Variants in BRAT1 observed in about 807,000 individuals in gnomAD.
BRAT1 encodes the protein BRCA1 associated ATM activator 1.
BRAT1 carries 74 observed loss-of-function variants against 70.6 expected under a neutral mutation model. That is an observed-to-expected ratio of 1.05 (90% CI 0.87 to 1.27). The LOEUF (loss-of-function observed/expected upper bound fraction) is 1.27, where lower values mean the gene tolerates loss of function less well. Ranked by LOEUF, BRAT1 falls within the 50% of genes most tolerant of loss-of-function variation. The pLI, the probability that BRAT1 is intolerant of heterozygous loss-of-function variation, is 0.00. For synonymous variants in BRAT1, 615 were observed against 517.1 expected (o/e 1.19, Z -2.57); for missense variants, 1,203 against 1,098.2 (o/e 1.10, Z -1.35).
chr7:2,547,260 G>C, intron 3 of BRAT1, 64 bp downstream of exon 3: 1 of 1,582,354 alleles, frequency 6.3e-7, no homozygotes, highest in South Asian at 1.1e-5. Flanking sequence ...GCCCCACCTG[G>C]CTGCGGGAGG....
Position 2,552,083 on chromosome 7 carries a change from T to C in BRAT1, c.127+2222A>G, listed in dbSNP as rs200208019. On this transcript the variant is annotated intron_variant, in intron 2 of 13. Transcript: ENST00000340611. ...TTTTAGAGAAATGCATAGTCTTAAA[T>C]ATATATATATATATATATATATATT... 5.4e-4 allele frequency among the ~76,000 whole-genome samples: 9 copies of C among 16,580 alleles called. No homozygotes were observed. The East Asian group carries it at 0.068, about 125-fold the overall frequency. The allele number at this position is 16,580 out of a possible 152,430, so 10.9% of individuals were successfully genotyped here.
rs374694299 is a variant in BRAT1 at position 2,543,311 on chromosome 7, G to A, written c.816C>T (p.Phe272=). 6.2e-7 allele frequency: 1 copy of A among 1,600,620 alleles called. No homozygotes were observed. The highest frequency in any genetic ancestry group is 8.5e-7 in the Non-Finnish European group (1 of 1,173,164). The change falls in exon 6 of 14, where the codon TTC becomes TTT. Residue 272 remains phenylalanine, a synonymous_variant. Coordinates refer to ENST00000340611, the MANE Select transcript of BRAT1 (RefSeq NM_152743.4). The surrounding 1 kb of genome is among the most constrained non-coding windows in gnomAD (Gnocchi z 5.5). The part of the protein sequence containing the change: ...LLLCVARSPV[F]SSSDGSLWET... ...CCCACAGGCTGCCGTCGGAAGAACT[G>A]AACACGGGAGAACTGCAGGGAGACC...
rs765459628 is a variant in BRAT1, at chr7:2,538,224, C to A, written c.2311G>T (p.Ala771Ser). The A allele has an allele frequency of 1.4e-5, 23 of 1,609,608 alleles. 1 individual carries two copies. The South Asian group carries it at 2.3e-4, about 16-fold the overall frequency. ...AGGGACCTGAGCATGGCCAGCACAGCCTCAGGCTCCTGGTCCCCTGGGGGC... is the reference window on the plus strand; with the variant it reads ...AGGGACCTGAGCATGGCCAGCACAGACTCAGGCTCCTGGTCCCCTGGGGGC... The part of the protein sequence containing the change: ...AQPPGDQEPE[A>S]VLAMLRSLDL... The change falls in exon 14 of 14, where the codon GCT (alanine) becomes TCT (serine). Residue 771 changes from alanine (A) to serine (S), a missense_variant. Physicochemically the swap from Ala to Ser is moderately conservative, Grantham distance 99. Transcript: ENST00000340611.
At position 2,542,205 on chromosome 7, in the gene BRAT1, C is replaced by G; in HGVS notation, c.930G>C (p.Gln310His). Residue 310 changes from glutamine to histidine, a missense_variant, in exon 7 of 14, where the codon CAG (glutamine) becomes CAC (histidine). Physicochemically the swap from Gln to His is conservative, Grantham distance 24. Coordinates refer to ENST00000340611, the MANE Select transcript of BRAT1 (RefSeq NM_152743.4). ...LGILKLEHCPQALRTQAFQVL... is the reference protein window; with the variant it reads ...LGILKLEHCPHALRTQAFQVL... ...CCTGGAAGGCCTGGGTCCTCAGTGC[C>G]TGTGGACTGGAGACAAACGCGAGGT... is the stretch of plus-strand genomic sequence containing the variant. The G allele has an allele frequency of 6.4e-7, 1 of 1,561,224 alleles. No homozygotes were observed. The highest frequency in any genetic ancestry group is 8.7e-7 in the Non-Finnish European group (1 of 1,152,540).
chr7:2,541,166 G>GGGCCGGC, intron 9 of BRAT1, 114 bp from the exon 10 acceptor site: 2 of 1,405,642 alleles, frequency 1.4e-6, no homozygotes, highest in Non-Finnish European at 1.9e-6. Context: ...CTCCTGCACG[G>GGGCCGGC]CCCCTGCACC....
At chr7:2,541,079 AC>A (rs1182034887) in intron 9 of BRAT1, 27 bp from the exon 10 acceptor site, 1 of 1,199,048 alleles carries the variant, frequency 8.3e-7, no homozygotes, top group South Asian at 1.4e-5. Context: ...TGGATAAACC[AC>A]CCCCACCCCC....
chr7:2,544,140 C>T, intron 4 of BRAT1, 178 bp from the exon 5 acceptor site: 2 of 485,218 alleles, frequency 4.1e-6, no homozygotes, highest in South Asian at 4.0e-5. Flanking sequence ...CAAGCACCTC[C>T]TCCCCCCGAG....
chr7:2,554,410 G>A lies in BRAT1; in HGVS notation c.22C>T (p.Leu8=), dbSNP rs770783897. Residue 8 remains leucine, a synonymous_variant, in exon 2 of 14, where the codon CTG becomes TTG. Transcript: ENST00000340611. MDPECAQ[L]LPALCAVLVD... ...AGAACAGCACAGAGAGCCGGGAGCAGCTGGGCGCATTCTGGGTCCATGGTG... is the reference window on the plus strand; with the variant it reads ...AGAACAGCACAGAGAGCCGGGAGCAACTGGGCGCATTCTGGGTCCATGGTG... The A allele has an allele frequency of 3.1e-6, 5 of 1,613,720 alleles. No homozygotes were observed. The highest frequency in any genetic ancestry group is 3.4e-6 in the Non-Finnish European group (4 of 1,179,860).
Position 2,543,971 on chromosome 7 carries a change from G to C in BRAT1, c.431-9C>G. ...GATGGTGTCGACCGCACCTGGGTAGGGGATGGGGGAAGAGAGGGAAAAGGG... is the reference window on the plus strand; with the variant it reads ...GATGGTGTCGACCGCACCTGGGTAGCGGATGGGGGAAGAGAGGGAAAAGGG... On this transcript the variant is annotated splice_polypyrimidine_tract_variant and intron_variant, in intron 4 of 13. Transcript: ENST00000340611. The surrounding 1 kb of genome is among the most constrained non-coding windows in gnomAD (Gnocchi z 5.5). 6.4e-7 allele frequency: 1 copy of C among 1,554,472 alleles called. No homozygotes were observed. The highest frequency in any genetic ancestry group is 8.7e-7 in the Non-Finnish European group (1 of 1,143,712).
At position 2,543,045 on chromosome 7, in the gene BRAT1, G is replaced by C. The variant is rs1779301280; in HGVS notation, c.923+159C>G. 1 of 830,686 alleles carries C rather than the reference G, an allele frequency of 1.2e-6. No homozygotes were observed. Among genetic ancestry groups the C allele is most frequent in the South Asian group, 2.1e-5 (1 of 47,586 alleles). The allele number at this position is 830,686 out of a possible 1,614,324, so 51.5% of individuals were successfully genotyped here. A position where few individuals can be genotyped will look rare whatever the true frequency, so the allele number is the denominator to read the frequency against. On this transcript the variant is annotated intron_variant, in intron 6 of 13. Transcript: ENST00000340611. The surrounding 1 kb of genome is among the most constrained non-coding windows in gnomAD (Gnocchi z 5.5). ...TGTTGCTAAAGAACCTTCAGAAGCTGCCGCGCGCAACCCACGCACCACCCA... is the reference window on the plus strand; with the variant it reads ...TGTTGCTAAAGAACCTTCAGAAGCTCCCGCGCGCAACCCACGCACCACCCA...
At position 2,538,624 on chromosome 7, in the gene BRAT1, A is replaced by G. The variant is rs1016199390; in HGVS notation, c.1911T>C (p.Thr637=). 6.3e-7 allele frequency: 1 copy of G among 1,598,234 alleles called. No homozygotes were observed. Among genetic ancestry groups the G allele is most frequent in the South Asian group, 1.1e-5 (1 of 91,008 alleles). Residue 637 remains threonine, a synonymous_variant, in exon 14 of 14, where the codon ACT becomes ACC. Coordinates refer to ENST00000340611, the MANE Select transcript of BRAT1 (RefSeq NM_152743.4). ...GGTCTCGGCTCGCCGCCTGCAGCAC[A>G]GTGGCCACGAACTGCTCCGTGTCCT... ...AAQDTEQFVA[T]VLQAASRDLD... is the part of the protein sequence containing the mutation.
intron 1 of BRAT1, among the ~76,000 whole-genome samples, chr7:2,554,783 C>A (rs1281226313): frequency 1.3e-5 from 2 of 152,186 alleles, no homozygotes; most frequent in African/African-American, 4.8e-5. Context: ...TGCAGGTGGG[C>A]CAGAGTCAGG....
At chr7:2,552,108 T>TATATATATA (rs1780081117) in intron 2 of BRAT1, among the ~76,000 whole-genome samples, 11 of 14,300 alleles carry the variant, frequency 7.7e-4, no homozygotes, top group African/African-American at 1.4e-3. Context: ...ATATATATAT[T>TATATATATA]TTTTTTTTTT....
intron 2 of BRAT1, among the ~76,000 whole-genome samples, chr7:2,553,814 G>GTT (rs765357895): frequency 2.0e-4 from 27 of 133,266 alleles, no homozygotes; most frequent in African/African-American, 4.4e-4. Flanking sequence ...GCTAATTTTT[G>GTT]TTTTTTTTTT....
intron 2 of BRAT1, among the ~76,000 whole-genome samples, 179 bp from the exon 3 acceptor site, chr7:2,547,657 G>T (rs1349729545): frequency 1.3e-5 from 2 of 152,214 alleles, no homozygotes; most frequent in Non-Finnish European, 2.9e-5. Flanking sequence ...TTTTAATTCA[G>T]TAAGGGCTAG....
At chr7:2,554,596 G>T in intron 1 of BRAT1, 149 bp from the exon 2 acceptor site, 2 of 1,029,882 alleles carry the variant, frequency 1.9e-6, no homozygotes, top group Non-Finnish European at 2.7e-6. Context: ...CCAGACCAGA[G>T]GTCTGTACTG....
chr7:2,546,504 C>T (rs1452095098), intron 3 of BRAT1, among the ~76,000 whole-genome samples: 1 of 152,020 alleles, frequency 6.6e-6, no homozygotes, highest in Non-Finnish European at 1.5e-5. Context: ...GAGGCCGAGG[C>T]AGACGGATCA....
At chr7:2,553,489 C>G (rs1780189373) in intron 2 of BRAT1, among the ~76,000 whole-genome samples, 1 of 151,746 alleles carries the variant, frequency 6.6e-6, no homozygotes, top group Non-Finnish European at 1.5e-5. Context: ...AGAGAGAAAG[C>G]AAGACACCAA....
rs375575635 is a variant in BRAT1 at position 2,541,882 on chromosome 7, T to TCCCCACGGTCACCAGCCA, written c.1016-64_1016-47dup. On this transcript the variant is annotated intron_variant, in intron 7 of 13. Transcript: ENST00000340611. ...AGCTCCCTTAGAGAGCACTTCAGCC[T>TCCCCACGGTCACCAGCCA]CCCCACGGTCACCAGCCACCCCACG... The TCCCCACGGTCACCAGCCA allele has an allele frequency of 5.7e-6, 9 of 1,588,658 alleles. 1 individual carries two copies. In the African/African-American group the frequency reaches 6.7e-5, roughly 12 times the overall value.
Sources: gnomAD v4.1 joint callset for allele counts (sites outside exome capture counted in the v4.1 genomes callset) on GRCh38, gnomAD v4.1.1 for gene constraint, Gnocchi (gnomAD v3.1) non-coding constraint, MANE v1.5 for transcripts, NCBI Gene and HGNC (gene_info 2026-07-23, HGNC 2026-07-21) for gene names.